DNAJC11: variants seen among roughly 807,000 people sequenced by gnomAD.
DNAJC11 encodes the protein DnaJ heat shock protein family (Hsp40) member C11.
In DNAJC11, 15 loss-of-function variants were observed where a neutral mutation model predicts 78.6. The observed-to-expected ratio is 0.19, with a 90% CI of 0.13 to 0.29. The LOEUF (loss-of-function observed/expected upper bound fraction) is 0.29. Among genes scored for constraint, DNAJC11 ranks in the 10% least tolerant of loss-of-function variants. The pLI, the probability that DNAJC11 is intolerant of heterozygous loss-of-function variation, is 1.00. For synonymous variants in DNAJC11, 292 were observed against 272.1 expected (o/e 1.07, Z -0.72); for missense variants, 547 against 709.6 (o/e 0.77, Z 2.60).
chr1:6,645,471 C>T lies in DNAJC11; in HGVS notation c.894+318G>A, dbSNP rs1022573161. On this transcript the variant is annotated intron_variant, in intron 8 of 15. Transcript: ENST00000377577. This position sits in a 1 kb window ranked among gnomAD's most constrained non-coding sequence, Gnocchi z 4.1. ...GCCCTGGTGTGGCCACAGGGGCGTC[C>T]GAGGGCATGATTCTGCTATGGGGCT... is the stretch of plus-strand genomic sequence containing the variant. Among the ~76,000 whole-genome samples, 1 of 152,232 alleles carries T rather than the reference C, an allele frequency of 6.6e-6. No individual in the cohort carries two copies. The highest frequency in any genetic ancestry group is 2.4e-5 in the African/African-American group (1 of 41,464).
At chr1:6,699,534 G>A (rs1490587783) in intron 1 of DNAJC11, among the ~76,000 whole-genome samples, 1 of 152,152 alleles carries the variant, frequency 6.6e-6, no homozygotes, top group Non-Finnish European at 1.5e-5. Context: ...ATTTCAGAAA[G>A]GCTGGCTTCA....
At chr1:6,666,385 CTTTTTTTT>C (rs767579276) in intron 4 of DNAJC11, among the ~76,000 whole-genome samples, 29,695 of 120,520 alleles carry the variant, frequency 0.25, 3,356 homozygotes, top group Admixed American at 0.37. Flanking sequence ...TCTTTCTTTT[CTTTTTTTT>C]TTTTTTTTTT....
chr1:6,665,181 C>T (rs985867628), intron 4 of DNAJC11, among the ~76,000 whole-genome samples: 4 of 152,176 alleles, frequency 2.6e-5, no homozygotes, highest in East Asian at 3.8e-4. Flanking sequence ...AACCCTCCTT[C>T]GTCTGCCTCC....
chr1:6,675,147 C>CAA (rs1336282585), intron 3 of DNAJC11, among the ~76,000 whole-genome samples: 11 of 152,140 alleles, frequency 7.2e-5, no homozygotes, highest in Non-Finnish European at 1.3e-4. Context: ...ATGAGACTTT[C>CAA]TGTGTATTAT....
chr1:6,668,183 G>C (rs1250243182), intron 3 of DNAJC11: 1 of 184,748 alleles, frequency 5.4e-6, no homozygotes, highest in Non-Finnish European at 1.1e-5. Context: ...TGTCGCCCAA[G>C]CTGAAGTGCC....
intron 14 of DNAJC11, among the ~76,000 whole-genome samples, 169 bp from the exon 15 acceptor site, chr1:6,636,415 C>T (rs1641769205): frequency 1.3e-5 from 2 of 152,152 alleles, no homozygotes; most frequent in South Asian, 2.1e-4. Flanking sequence ...TGCCAAGACT[C>T]GCTTCTTAAT....
intron 3 of DNAJC11, among the ~76,000 whole-genome samples, chr1:6,672,563 T>C (rs1226629232): frequency 6.6e-6 from 1 of 152,240 alleles, no homozygotes; most frequent in African/African-American, 2.4e-5. Flanking sequence ...AAATAGTTGG[T>C]ACATAATCAG....
intron 2 of DNAJC11, among the ~76,000 whole-genome samples, chr1:6,679,339 C>T (rs1642519761): frequency 6.6e-6 from 1 of 152,200 alleles, no homozygotes; most frequent in African/African-American, 2.4e-5. Context: ...AAAAACATCT[C>T]TTATCATGTT....
At chr1:6,699,493 A>G (rs1642890940) in intron 1 of DNAJC11, among the ~76,000 whole-genome samples, 1 of 152,240 alleles carries the variant, frequency 6.6e-6, no homozygotes, top group Non-Finnish European at 1.5e-5. Context: ...ATGGCTGCTC[A>G]ATTACTGACA....
At chr1:6,643,510 C>A (rs573689702) in intron 10 of DNAJC11, among the ~76,000 whole-genome samples, 10 of 151,988 alleles carry the variant, frequency 6.6e-5, no homozygotes, top group African/African-American at 2.2e-4. Flanking sequence ...CTCCTGACCT[C>A]GTGATCTGCC....
At chr1:6,664,959 C>T (rs760475518) in intron 4 of DNAJC11, among the ~76,000 whole-genome samples, 3 of 152,130 alleles carry the variant, frequency 2.0e-5, no homozygotes, top group South Asian at 4.1e-4. Context: ...AATATGCACC[C>T]GCGTTTCAGG....
chr1:6,695,038 C>T (rs157061), intron 1 of DNAJC11, among the ~76,000 whole-genome samples: 31,778 of 148,124 alleles, frequency 0.21, 3,803 homozygotes, highest in Admixed American at 0.32. Flanking sequence ...CCCGGCTACT[C>T]GGGAGGCTGA....
At chr1:6,676,159 G>A (rs1170600330) in intron 3 of DNAJC11, among the ~76,000 whole-genome samples, 1 of 152,124 alleles carries the variant, frequency 6.6e-6, no homozygotes, top group East Asian at 1.9e-4. Flanking sequence ...CTGCCCACTG[G>A]AGCCAGGAGG....
intron 3 of DNAJC11, among the ~76,000 whole-genome samples, chr1:6,677,860 A>G (rs1190182540): frequency 6.6e-6 from 1 of 152,218 alleles, no homozygotes; most frequent in Non-Finnish European, 1.5e-5. Flanking sequence ...ACAAAGCTTG[A>G]ATATTATAAT....
chr1:6,657,207 GC>G lies in DNAJC11; in HGVS notation c.379-3169del, dbSNP rs144489415. Among the ~76,000 whole-genome samples the G allele has an allele frequency of 8.6e-3, 1,313 of 152,262 alleles. 18 individuals carry two copies. The highest frequency in any genetic ancestry group is 0.029 in the African/African-American group (1,217 of 41,548). On this transcript the variant is annotated intron_variant, in intron 4 of 15. Transcript: ENST00000377577. Reference sequence around the variant, plus strand: ...TGACTTCAAGACCAGCTCACGAGAAGCCTTGCAGCTTGGCCCAGGTCTCTAA... The same window carrying G: ...TGACTTCAAGACCAGCTCACGAGAAGCTTGCAGCTTGGCCCAGGTCTCTAA...
chr1:6,656,889 C>T (rs1372698464), intron 4 of DNAJC11, among the ~76,000 whole-genome samples: 1 of 152,062 alleles, frequency 6.6e-6, no homozygotes, highest in Non-Finnish European at 1.5e-5. Flanking sequence ...GCACTCTAGC[C>T]TGGGTGATAG....
In DNAJC11 at chr1:6,701,666, C is replaced by T. The variant is rs12758896; in HGVS notation, c.72+63G>A. 2.7e-6 allele frequency: 4 copies of T among 1,463,602 alleles called. No individual in the cohort carries two copies. The African/African-American group carries it at 4.4e-5, about 16-fold the overall frequency. The allele number at this position is 1,463,602 out of a possible 1,614,324, so 90.7% of individuals were successfully genotyped here. A position where few individuals can be genotyped will look rare whatever the true frequency, so the allele number is the denominator to read the frequency against. ...GCGGGGGTGGGGCGGCCACCGCCAG[C>T]CCGGCCCTCCCGAACGACCGGGCTC... On this transcript the variant is annotated intron_variant, in intron 1 of 15. Transcript: ENST00000377577.
Position 6,653,558 on chromosome 1 carries a change from T to A in DNAJC11, c.507+353A>T, listed in dbSNP as rs557751107. Among the ~76,000 whole-genome samples the A allele has an allele frequency of 3.8e-4, 58 of 152,256 alleles. No individual in the cohort carries two copies. Among genetic ancestry groups the A allele is most frequent in the African/African-American group, 1.3e-3 (54 of 41,538 alleles). On this transcript the variant is annotated intron_variant, in intron 5 of 15. Transcript: ENST00000377577. This position sits in a 1 kb window ranked among gnomAD's most constrained non-coding sequence, Gnocchi z 4.5. ...ATAGCCTTGCGGCACCTAGCAGAATTTGCCTTAAAACTAAAACTGGTTGTT... is the reference window on the plus strand; with the variant it reads ...ATAGCCTTGCGGCACCTAGCAGAATATGCCTTAAAACTAAAACTGGTTGTT...
At position 6,645,101 on chromosome 1, in the gene DNAJC11, A is replaced by T; in HGVS notation, c.920T>A (p.Leu307Gln). 1 of 1,613,502 alleles carries T rather than the reference A, an allele frequency of 6.2e-7. No homozygotes were observed. Among genetic ancestry groups the T allele is most frequent in the Non-Finnish European group, 8.5e-7 (1 of 1,179,492 alleles). ...TTGGAATTTGTGCTGATAGCTGATC[A>T]GTGCAAAGGAGTGAGGGATTCCCAG... ...LQLGIPHSFA[L>Q]ISYQHKFQDD... The change falls in exon 9 of 16, where the codon CTG (leucine) becomes CAG (glutamine). Residue 307 changes from leucine (L) to glutamine (Q), a missense_variant. By Grantham distance (113) the Leu-to-Gln change is moderately radical. Transcript: ENST00000377577. The surrounding 1 kb of genome is among the most constrained non-coding windows in gnomAD (Gnocchi z 4.1).
Sources: allele counts gnomAD v4.1 joint callset (sites outside exome capture counted in the v4.1 genomes callset), GRCh38; gene constraint gnomAD v4.1.1; non-coding constraint Gnocchi (gnomAD v3.1); transcripts MANE v1.5; gene names NCBI Gene and HGNC (gene_info 2026-07-23, HGNC 2026-07-21).